The following RENBP variants were observed in gnomAD, a reference collection of about 807,000 sequenced individuals.
RENBP encodes renin binding protein, also known as N-acylglucosamine 2-epimerase.
Under a neutral mutation model 37.8 loss-of-function variants are expected in RENBP, and 16 were observed. That is an observed-to-expected ratio of 0.42 (90% CI 0.29 to 0.64). RENBP has a LOEUF of 0.64. Ranked by LOEUF, RENBP falls within the 30% of genes least tolerant of loss-of-function variation. The pLI, the probability that RENBP is intolerant of heterozygous loss-of-function variation, is 0.19. For missense variants in RENBP, 347 were observed against 379.5 expected (o/e 0.91, Z 0.71); for synonymous variants, 170 against 154.8 (o/e 1.10, Z -0.73).
rs782449282 is a variant in RENBP at position 153,941,553 on chromosome X, G to A, written c.870C>T (p.Pro290=). 5.0e-6 allele frequency: 6 copies of A among 1,210,490 alleles called. No homozygotes were observed. The highest frequency in any genetic ancestry group is 3.0e-5 in the East Asian group (1 of 33,815). ...GGTCAGGGTCCCATCCGGAGTGGAA[G>A]GGCAACAATAGGAACTTGTCAATCA... ...AHVIDKFLLL[P]FHSGWDPDHG... is the part of the protein sequence containing the mutation. Residue 290 remains proline, a synonymous_variant, in exon 8 of 11, where the codon CCC becomes CCT. Transcript: ENST00000393700.
At chrX:153,943,254 C>T (rs782707166) in intron 5 of RENBP, among the ~76,000 whole-genome samples, 175 bp from the exon 6 acceptor site, 1 of 112,525 alleles carries the variant, frequency 8.9e-6, no homozygotes, top group East Asian at 2.8e-4. Flanking sequence ...TCAGATCCGC[C>T]CCACTCTGCT....
chrX:153,941,292 T>C (rs2065225061), intron 8 of RENBP, among the ~76,000 whole-genome samples, 186 bp downstream of exon 8: 1 of 111,440 alleles, frequency 9.0e-6, no homozygotes, highest in African/African-American at 3.3e-5. Context: ...TTGGGCAAGA[T>C]CCAAGAACCC....
chrX:153,940,129 G>A lies in RENBP; in HGVS notation c.1050C>T (p.Tyr350=). 1 of 1,211,200 alleles carries A rather than the reference G, an allele frequency of 8.3e-7. No homozygotes were observed. Among genetic ancestry groups the A allele is most frequent in the Non-Finnish European group, 1.1e-6 (1 of 895,311 alleles). The part of the protein sequence containing the change: ...SGDPVLLRLF[Y]QVAEYTFRQF... ...GGCGGAAGGTGTACTCAGCCACTTG[G>A]TAGAAGAGGCGCAGCAGCACAGGGT... is the stretch of plus-strand genomic sequence containing the variant. Residue 350 remains tyrosine, a synonymous_variant, in exon 9 of 11, where the codon TAC becomes TAT. Coordinates refer to ENST00000393700, the MANE Select transcript of RENBP (RefSeq NM_002910.6).
At chrX:153,938,782 G>GTTTTTTTTTTTT (rs1392436888) in intron 9 of RENBP, among the ~76,000 whole-genome samples, 1 of 75,509 alleles carries the variant, frequency 1.3e-5, no homozygotes, top group Non-Finnish European at 2.3e-5. Flanking sequence ...CATCTGTACT[G>GTTTTTTTTTTTT]TTTTTTTTTT....
Position 153,942,927 on chromosome X carries a change from TG to T in RENBP, c.614del (p.Ala205GlufsTer78). The T allele has an allele frequency of 8.3e-7, 1 of 1,211,065 alleles. No individual in the cohort carries two copies. The highest frequency in any genetic ancestry group is 1.1e-6 in the Non-Finnish European group (1 of 895,184). On this transcript the variant is annotated frameshift_variant, in exon 6 of 11. Transcript: ENST00000393700. LOFTEE classifies it high-confidence loss of function. ...CGTATTTGCCCGCCAGCTCCTCATCTGCCTCCCCGAGCTGCTCCACCAGGTT... is the reference window on the plus strand; with the variant it reads ...CGTATTTGCCCGCCAGCTCCTCATCTCCTCCCCGAGCTGCTCCACCAGGTT... ...LLNLVEQLGE[A>X]DEELAGKYAE...
rs782419814 is a variant in RENBP at position 153,935,312 on chromosome X, T to TGGGGGCGGGGGAGGGGGC, written c.1240_1257dup (p.Ala414_Pro419dup). 2.8e-6 allele frequency: 2 copies of TGGGGGCGGGGGAGGGGGC among 726,152 alleles called. No individual in the cohort carries two copies. Among genetic ancestry groups the TGGGGGCGGGGGAGGGGGC allele is most frequent in the Non-Finnish European group, 3.6e-6 (2 of 558,989 alleles). 59.8% of individuals were successfully genotyped at this position (726,152 alleles called of 1,213,427 possible). On this transcript the variant is annotated inframe_insertion, in exon 11 of 11. Coordinates refer to ENST00000393700, the MANE Select transcript of RENBP (RefSeq NM_002910.6). Reference sequence around the variant, plus strand: ...TATTCCGCGCCTCGGCAGGCGGGGGTGGGGGCGGGGGAGGGGGCGGGGGCG... The same window carrying TGGGGGCGGGGGAGGGGGC: ...TATTCCGCGCCTCGGCAGGCGGGGGTGGGGGCGGGGGAGGGGGCGGGGGCGGGGGAGGGGGCGGGGGCG...
At chrX:153,938,687 G>A (rs1441090612) in intron 9 of RENBP, among the ~76,000 whole-genome samples, 1 of 110,431 alleles carries the variant, frequency 9.1e-6, no homozygotes, top group Non-Finnish European at 1.9e-5. Context: ...GGAGCCCCTG[G>A]CTTGGTTTTC....
intron 4 of RENBP, 68 bp downstream of exon 4, chrX:153,943,827 C>T (rs1417730634): frequency 1.1e-5 from 13 of 1,167,678 alleles, no homozygotes; most frequent in Non-Finnish European, 1.4e-5. Flanking sequence ...CTAGGAACTC[C>T]GCACATGTGC....
rs1160985716 is a variant in RENBP, at chrX:153,942,972, C to G, written c.570G>C (p.Ala190=). ...LQGAPAAEPM[A]VPMMLLNLVE... is the part of the protein sequence containing the mutation. Reference sequence around the variant, plus strand: ...CCAGGTTCAGTAGCATCATGGGCACCGCCATGGGCTCCGCAGCCGGGGCCC... The same window carrying G: ...CCAGGTTCAGTAGCATCATGGGCACGGCCATGGGCTCCGCAGCCGGGGCCC... The change falls in exon 6 of 11, where the codon GCG becomes GCC. Residue 190 remains alanine (A), a synonymous_variant. Coordinates refer to ENST00000393700, the MANE Select transcript of RENBP (RefSeq NM_002910.6). 1 of 1,208,461 alleles carries G rather than the reference C, an allele frequency of 8.3e-7. No individual in the cohort carries two copies. The highest frequency in any genetic ancestry group is 1.1e-6 in the Non-Finnish European group (1 of 893,682).
intron 9 of RENBP, among the ~76,000 whole-genome samples, chrX:153,938,784 T>TTTG (rs1557108969): frequency 1.1e-5 from 1 of 91,019 alleles, no homozygotes; most frequent in Admixed American, 1.2e-4. Flanking sequence ...TCTGTACTGT[T>TTTG]TTTTTTTTTT....
At position 153,941,953 on chromosome X, in the gene RENBP, G is replaced by T; in HGVS notation, c.766C>A (p.Pro256Thr). 1.3e-6 allele frequency: 1 copy of T among 796,612 alleles called. No homozygotes were observed. 65.6% of individuals were successfully genotyped at this position (796,612 alleles called of 1,213,427 possible). The change falls in exon 7 of 11, where the codon CCA (proline) becomes ACA (threonine). Residue 256 changes from proline (P) to threonine (T), a missense_variant. By Grantham distance (38) the Pro-to-Thr change is conservative. Coordinates refer to ENST00000393700, the MANE Select transcript of RENBP (RefSeq NM_002910.6). ...LPGCLGRQQN[P>T]GHTLEAGWFL... ...CCCAGCCCACCCCGCCCCTCACCTG[G>T]GTTCTGCTGTCTCCCCAGGCAGCCA...
intron 8 of RENBP, 101 bp from the exon 9 acceptor site, chrX:153,940,334 T>C: frequency 9.7e-7 from 1 of 1,033,218 alleles, no homozygotes; most frequent in Non-Finnish European, 1.3e-6. Context: ...GGAGGTGAAT[T>C]GCGGGACATC....
intron 9 of RENBP, chrX:153,935,953 A>G: frequency 4.7e-6 from 1 of 211,643 alleles, no homozygotes; most frequent in South Asian, 6.4e-5. Flanking sequence ...AACATGGTGA[A>G]ACCTCATCTC....
intron 9 of RENBP, among the ~76,000 whole-genome samples, chrX:153,937,927 C>T (rs1336781743): frequency 9.0e-6 from 1 of 111,016 alleles, no homozygotes; most frequent in African/African-American, 3.3e-5. Context: ...GACGGGGTTT[C>T]GCCATGTTGA....
intron 9 of RENBP, among the ~76,000 whole-genome samples, chrX:153,938,788 T>TCTG (rs2065213808): frequency 1.1e-5 from 1 of 90,333 alleles, no homozygotes; most frequent in Non-Finnish European, 2.0e-5. Flanking sequence ...TACTGTTTTT[T>TCTG]TTTTTTTGTT....
chrX:153,938,297 C>T, intron 9 of RENBP, among the ~76,000 whole-genome samples: 1 of 112,349 alleles, frequency 8.9e-6, no homozygotes, highest in East Asian at 2.8e-4. Flanking sequence ...AAGCCAGGCA[C>T]TTCTATTACC....
chrX:153,942,242 T>TG (rs1424245694), intron 6 of RENBP: 13 of 268,147 alleles, frequency 4.8e-5, no homozygotes, highest in African/African-American at 1.6e-4. Flanking sequence ...TTTTTTTTTT[T>TG]TTTTTTTTTT....
In RENBP at chrX:153,935,586, CAG is replaced by C. The variant is rs1485629839; in HGVS notation, c.1078-12_1078-11del. ...ACTCGGGATCGCGAAACTGGAATAA[CAG>C]AGACAGTGACAGCTAGCGCCTGCAG... On this transcript the variant is annotated splice_polypyrimidine_tract_variant and intron_variant, in intron 9 of 10. Transcript: ENST00000393700. 1.7e-6 allele frequency: 2 copies of C among 1,196,256 alleles called. No individual in the cohort carries two copies. Among genetic ancestry groups the C allele is most frequent in the South Asian group, 1.8e-5 (1 of 56,541 alleles).
chrX:153,941,945 C>T lies in RENBP; in HGVS notation c.769+5G>A. On this transcript the variant is annotated splice_donor_5th_base_variant and intron_variant, in intron 7 of 10. Coordinates refer to ENST00000393700, the MANE Select transcript of RENBP (RefSeq NM_002910.6). Reference sequence around the variant, plus strand: ...GGGTGGCCCCCAGCCCACCCCGCCCCTCACCTGGGTTCTGCTGTCTCCCCA... The same window carrying T: ...GGGTGGCCCCCAGCCCACCCCGCCCTTCACCTGGGTTCTGCTGTCTCCCCA... 1.8e-6 allele frequency: 2 copies of T among 1,086,523 alleles called. No homozygotes were observed. The highest frequency in any genetic ancestry group is 1.8e-5 in the South Asian group (1 of 54,116). The allele number at this position is 1,086,523 out of a possible 1,213,427, so 89.5% of individuals were successfully genotyped here.
Sources: gnomAD v4.1 joint callset for allele counts (sites outside exome capture counted in the v4.1 genomes callset) on GRCh38, gnomAD v4.1.1 for gene constraint, MANE v1.5 for transcripts, NCBI Gene and HGNC (gene_info 2026-07-23, HGNC 2026-07-21) for gene names.